The following C17orf78 variants were observed in gnomAD, a reference collection of about 807,000 sequenced individuals.
C17orf78 encodes the protein chromosome 17 open reading frame 78, also known as uncharacterized protein C17orf78.
In C17orf78, 27 loss-of-function variants were observed where a neutral mutation model predicts 31.8. The observed-to-expected ratio is 0.85, with a 90% CI of 0.63 to 1.17. The LOEUF (loss-of-function observed/expected upper bound fraction) is 1.17, where lower values mean the gene tolerates loss of function less well. Ranked by LOEUF, C17orf78 falls within the 50% of genes most tolerant of loss-of-function variation. The probability of loss-of-function intolerance (pLI) is 0.00; values close to 1 mark genes in which losing one functional copy is unlikely to be tolerated. For missense variants in C17orf78, 258 were observed against 315.2 expected, an observed-to-expected ratio of 0.82 and a Z score of 1.37; for synonymous variants, 106 against 115.1, an observed-to-expected ratio of 0.92 and a Z score of 0.51.
chr17:37,391,494 C>CT (rs1465861882), intron 6 of C17orf78, among the ~76,000 whole-genome samples, 153 bp from the exon 7 acceptor site: 3 of 152,180 alleles, frequency 2.0e-5, no homozygotes, highest in Non-Finnish European at 4.4e-5. Flanking sequence ...CTTGATCATA[C>CT]TTTCTCAGTG....
At chr17:37,380,005 G>T (rs913257290) in intron 3 of C17orf78, among the ~76,000 whole-genome samples, 7 of 150,862 alleles carry the variant, frequency 4.6e-5, no homozygotes, top group African/African-American at 1.7e-4. Context: ...ATTCACAATA[G>T]CAAAGACTTG....
intron 1 of C17orf78, among the ~76,000 whole-genome samples, 187 bp from the exon 2 acceptor site, chr17:37,377,692 A>C (rs1257048342): frequency 1.3e-5 from 2 of 151,076 alleles, no homozygotes; most frequent in Non-Finnish European, 2.9e-5. Flanking sequence ...TAAATAAATA[A>C]ATAAATAAAT....
chr17:37,390,237 A>AT (rs2050759091), intron 6 of C17orf78, among the ~76,000 whole-genome samples: 1 of 46,502 alleles, frequency 2.2e-5, no homozygotes, highest in African/African-American at 1.8e-4. Context: ...ATTATATATA[A>AT]TATATTATAT....
At chr17:37,390,045 G>GGAGGCA (rs1003946251) in intron 6 of C17orf78, among the ~76,000 whole-genome samples, 3 of 141,132 alleles carry the variant, frequency 2.1e-5, no homozygotes, top group Non-Finnish European at 4.5e-5. Flanking sequence ...CAGTGCTTTG[G>GGAGGCA]GAGGCAGAGG....
chr17:37,383,911 T>C (rs1568085431), intron 3 of C17orf78, among the ~76,000 whole-genome samples: 1 of 152,164 alleles, frequency 6.6e-6, no homozygotes, highest in African/African-American at 2.4e-5. Context: ...GTTTGAAACT[T>C]CCTATCCTGA....
Position 37,391,924 on chromosome 17 carries a change from T to A in C17orf78, c.*200T>A, listed in dbSNP as rs34232224. The A allele has an allele frequency of 0.023, 13,702 of 589,108 alleles. 199 individuals carry two copies. The highest frequency in any genetic ancestry group is 0.034 in the Non-Finnish European group (11,104 of 331,130). The allele number at this position is 589,108 out of a possible 1,614,324, so 36.5% of individuals were successfully genotyped here. ...TATCTGAGCCACAACCTTCTGTAAT[T>A]CACTTCATACATCCATCTAAATGGA... On this transcript the variant is annotated 3_prime_UTR_variant, in exon 7 of 7. Coordinates refer to ENST00000615133, the MANE Select transcript of C17orf78 (RefSeq NM_173625.5).
intron 3 of C17orf78, among the ~76,000 whole-genome samples, chr17:37,381,626 C>CTTT (rs550853752): frequency 1.4e-4 from 17 of 125,880 alleles, no homozygotes; most frequent in Admixed American, 2.6e-4. Context: ...CTTCCATAGT[C>CTTT]TTTTTTTTTT....
At chr17:37,382,655 A>G (rs1177114852) in intron 3 of C17orf78, among the ~76,000 whole-genome samples, 1 of 152,066 alleles carries the variant, frequency 6.6e-6, no homozygotes, top group African/African-American at 2.4e-5. Context: ...AGGTCAAGAG[A>G]TCAGGACCAT....
Position 37,377,871 on chromosome 17 carries a change from AC to A in C17orf78, c.59-3del, listed in dbSNP as rs1568075025. On this transcript the variant is annotated splice_polypyrimidine_tract_variant and splice_region_variant and intron_variant, in intron 1 of 6. Transcript: ENST00000615133. Reference sequence around the variant, plus strand: ...CGGTTCCCCTCCTCCCCCTCTGCTCACCCCCAGACCTCAGAGATAGCAGTTG... The same window carrying A: ...CGGTTCCCCTCCTCCCCCTCTGCTCACCCCAGACCTCAGAGATAGCAGTTG... 2 of 1,585,292 alleles carry A rather than the reference AC, an allele frequency of 1.3e-6. No homozygotes were observed. Among genetic ancestry groups the A allele is most frequent in the Non-Finnish European group, 1.7e-6 (2 of 1,163,376 alleles).
Position 37,389,374 on chromosome 17 carries a change from C to T in C17orf78, c.750+12C>T. On this transcript the variant is annotated intron_variant, in intron 6 of 6. Coordinates refer to ENST00000615133, the MANE Select transcript of C17orf78 (RefSeq NM_173625.5). ...CTCAGCCCCAGAAGGAAAGTGTTCT[C>T]TGTGTGGTTTATGTCATTTGCTTAA... 1 of 1,566,156 alleles carries T rather than the reference C, an allele frequency of 6.4e-7. No homozygotes were observed. The highest frequency in any genetic ancestry group is 2.4e-5 in the East Asian group (1 of 42,154).
rs185840032 is a variant in C17orf78 at position 37,386,357 on chromosome 17, C to T, written c.508+232C>T. On this transcript the variant is annotated intron_variant, in intron 4 of 6. Transcript: ENST00000615133. Reference sequence around the variant, plus strand: ...CTGTAATCCTAGCACTTTGGGAGGCCGAGGTGGGCGGATCACCTGTGGTCA... The same window carrying T: ...CTGTAATCCTAGCACTTTGGGAGGCTGAGGTGGGCGGATCACCTGTGGTCA... Among the ~76,000 whole-genome samples, 4 of 152,020 alleles carry T rather than the reference C, an allele frequency of 2.6e-5. No homozygotes were observed. In the East Asian group the frequency reaches 7.7e-4, roughly 29 times the overall value.
intron 4 of C17orf78, among the ~76,000 whole-genome samples, chr17:37,386,422 C>G (rs1316787571): frequency 1.3e-5 from 2 of 151,974 alleles, no homozygotes; most frequent in Non-Finnish European, 2.9e-5. Context: ...TGAAAACCCG[C>G]CTCTACTAAA....
At chr17:37,376,256 A>T in intron 1 of C17orf78, 106 bp downstream of exon 1, 2 of 932,802 alleles carry the variant, frequency 2.1e-6, no homozygotes, top group Non-Finnish European at 3.4e-6. Flanking sequence ...TCCAGCAAGC[A>T]ATACTTTCCA....
chr17:37,390,806 A>G (rs1166219151), intron 6 of C17orf78, among the ~76,000 whole-genome samples: 1 of 152,026 alleles, frequency 6.6e-6, no homozygotes, highest in Non-Finnish European at 1.5e-5. Flanking sequence ...AAAAAAAAAA[A>G]AATTATCATT....
At chr17:37,381,817 T>C (rs11657660) in intron 3 of C17orf78, among the ~76,000 whole-genome samples, 30,159 of 150,836 alleles carry the variant, frequency 0.2, 3,825 homozygotes, top group African/African-American at 0.34. Context: ...TTGGTAGAGA[T>C]GGGGTTTCAC....
rs754238564 is a variant in C17orf78 at position 37,391,766 on chromosome 17, T to C, written c.*42T>C. 6.5e-6 allele frequency: 10 copies of C among 1,539,344 alleles called. No individual in the cohort carries two copies. The highest frequency in any genetic ancestry group is 1.4e-5 in the African/African-American group (1 of 73,446). Reference sequence around the variant, plus strand: ...TCAAAGACTGAATGATACTACACAGTCCTCTCCCTATTAATATGGGCACAT... The same window carrying C: ...TCAAAGACTGAATGATACTACACAGCCCTCTCCCTATTAATATGGGCACAT... On this transcript the variant is annotated 3_prime_UTR_variant, in exon 7 of 7. Transcript: ENST00000615133.
chr17:37,382,891 G>T (rs563766267), intron 3 of C17orf78, among the ~76,000 whole-genome samples: 2 of 151,916 alleles, frequency 1.3e-5, no homozygotes, highest in Non-Finnish European at 2.9e-5. Context: ...AAAAAAATTA[G>T]CCAGGCATGG....
In C17orf78 at chr17:37,389,323, T is replaced by C. The variant is rs776441260; in HGVS notation, c.711T>C (p.Pro237=). The part of the protein sequence containing the change: ...WRWQKKGGQP[P]GTAESKPDSQ... Reference sequence around the variant, plus strand: ...GGCAAAAGAAGGGAGGCCAGCCACCTGGGACAGCTGAATCCAAGCCTGACT... The same window carrying C: ...GGCAAAAGAAGGGAGGCCAGCCACCCGGGACAGCTGAATCCAAGCCTGACT... Residue 237 remains proline, a synonymous_variant, in exon 6 of 7, where the codon CCT becomes CCC. Coordinates refer to ENST00000615133, the MANE Select transcript of C17orf78 (RefSeq NM_173625.5). The C allele has an allele frequency of 1.3e-6, 2 of 1,594,958 alleles. No homozygotes were observed. Among genetic ancestry groups the C allele is most frequent in the East Asian group, 4.5e-5 (2 of 44,150 alleles).
chr17:37,385,175 T>C (rs1398651792), intron 3 of C17orf78, among the ~76,000 whole-genome samples: 2 of 151,944 alleles, frequency 1.3e-5, no homozygotes, highest in African/African-American at 2.4e-5. Flanking sequence ...CAGAGATCCT[T>C]TGAAAGCAAG....
Sources: gnomAD v4.1 joint callset for allele counts (sites outside exome capture counted in the v4.1 genomes callset) on GRCh38, gnomAD v4.1.1 for gene constraint, MANE v1.5 for transcripts, NCBI Gene and HGNC (gene_info 2026-07-23, HGNC 2026-07-21) for gene names.